The following UNC13C variants were observed in gnomAD, a reference collection of about 807,000 sequenced individuals.
UNC13C encodes unc-13 homolog C, also known as protein unc-13 homolog C.
UNC13C carries 174 observed loss-of-function variants against 245.4 expected under a neutral mutation model. The observed-to-expected ratio is 0.71, with a 90% CI of 0.63 to 0.80. UNC13C has a LOEUF of 0.80. Among genes scored for constraint, UNC13C ranks in the 30% least tolerant of loss-of-function variants. The pLI, the probability that UNC13C is intolerant of heterozygous loss-of-function variation, is 0.00. For synonymous variants in UNC13C, 992 were observed against 895.1 expected (o/e 1.11, Z -1.93); for missense variants, 2,829 against 2,602.9 (o/e 1.09, Z -1.89).
At chr15:54,558,463 A>G (rs1335000715) in intron 29 of UNC13C, among the ~76,000 whole-genome samples, 1 of 152,024 alleles carries the variant, frequency 6.6e-6, no homozygotes, top group Admixed American at 6.6e-5. Flanking sequence ...TAAAAGGGAT[A>G]CTTCTTCAAA....
chr15:54,476,851 A>T (rs1057036143), intron 19 of UNC13C, among the ~76,000 whole-genome samples: 39 of 151,330 alleles, frequency 2.6e-4, no homozygotes, highest in Admixed American at 2.3e-3. Context: ...GAAGAAAGTC[A>T]TTGGTAGCTT....
rs570749014 is a variant in UNC13C, at chr15:54,590,671, A to G, written c.6106+22724A>G. On this transcript the variant is annotated intron_variant, in intron 30 of 32. Transcript: ENST00000260323. ...TCCACAAACTTTGCTGAATTCCTTT[A>G]CCAGTTGTATGCGCTTTCTGGAGGA... 1.2e-3 allele frequency among the ~76,000 whole-genome samples: 176 copies of G among 152,322 alleles called. 1 individual carries two copies. Among genetic ancestry groups the G allele is most frequent in the African/African-American group, 3.9e-3 (162 of 41,582 alleles).
intron 2 of UNC13C, among the ~76,000 whole-genome samples, chr15:54,088,244 A>C (rs1217474749): frequency 8.1e-6 from 1 of 122,874 alleles, no homozygotes; most frequent in Non-Finnish European, 1.6e-5. Context: ...TCATCCAATC[A>C]GCCAGTTCAT....
chr15:54,114,010 A>G (rs2030024580), intron 2 of UNC13C, among the ~76,000 whole-genome samples: 2 of 152,124 alleles, frequency 1.3e-5, no homozygotes. Context: ...TTGTGCATTT[A>G]CTCAGGGTCT....
chr15:54,532,163 T>C (rs1407881736), intron 25 of UNC13C, among the ~76,000 whole-genome samples: 4 of 152,116 alleles, frequency 2.6e-5, no homozygotes, highest in Non-Finnish European at 5.9e-5. Context: ...TTCCTGATCC[T>C]CTCCCTCTTC....
At chr15:54,584,746 A>T (rs1186053383) in intron 30 of UNC13C, among the ~76,000 whole-genome samples, 1 of 152,254 alleles carries the variant, frequency 6.6e-6, no homozygotes, top group South Asian at 2.1e-4. Context: ...CACACCTGTA[A>T]TATTTCATCT....
intron 2 of UNC13C, among the ~76,000 whole-genome samples, chr15:54,134,282 T>G (rs1475646753): frequency 5.3e-5 from 8 of 151,674 alleles, no homozygotes; most frequent in African/African-American, 1.2e-4. Flanking sequence ...GTTTTTTTTT[T>G]TGTGAGATTT....
chr15:54,573,232 G>A (rs1897832010), intron 30 of UNC13C, among the ~76,000 whole-genome samples: 2 of 150,498 alleles, frequency 1.3e-5, no homozygotes, highest in Non-Finnish European at 3.0e-5. Context: ...TCCTATTTTT[G>A]TACTCCTTTC....
At chr15:54,427,953 A>G (rs572173226) in intron 19 of UNC13C, among the ~76,000 whole-genome samples, 1 of 151,808 alleles carries the variant, frequency 6.6e-6, no homozygotes, top group South Asian at 2.1e-4. Flanking sequence ...CTACTTCTCC[A>G]TTGTCTTTTG....
chr15:54,087,935 TTG>T (rs1278122198), intron 2 of UNC13C, among the ~76,000 whole-genome samples: 1 of 152,166 alleles, frequency 6.6e-6, no homozygotes, highest in African/African-American at 2.4e-5. Context: ...ACTTTTGCTA[TTG>T]TTTAGAACAA....
At chr15:54,359,228 A>T (rs2140859998) in intron 17 of UNC13C, among the ~76,000 whole-genome samples, 1 of 151,912 alleles carries the variant, frequency 6.6e-6, no homozygotes, top group Admixed American at 6.6e-5. Context: ...TTGTTTTGCT[A>T]GTGTTGAGAG....
intron 17 of UNC13C, among the ~76,000 whole-genome samples, chr15:54,368,110 C>G (rs2039406349): frequency 6.6e-6 from 1 of 152,028 alleles, no homozygotes; most frequent in Non-Finnish European, 1.5e-5. Context: ...TGTGCTTCAC[C>G]TTAGTCTCAG....
chr15:54,523,956 T>C lies in UNC13C; in HGVS notation c.5458-1593T>C, dbSNP rs537218960. On this transcript the variant is annotated intron_variant, in intron 24 of 32. Coordinates refer to ENST00000260323, the MANE Select transcript of UNC13C (RefSeq NM_001080534.3). ...TTATTAGCACAATAACAAGAAAATA[T>C]CATTTAAAAAAATTCAGCCTGCATG... Among the ~76,000 whole-genome samples the C allele has an allele frequency of 3.9e-5, 6 of 152,258 alleles. No homozygotes were observed. In the South Asian group the frequency reaches 8.3e-4, roughly 21 times the overall value.
chr15:54,342,065 T>C (rs913935505), intron 17 of UNC13C, among the ~76,000 whole-genome samples: 24 of 152,148 alleles, frequency 1.6e-4, no homozygotes, highest in Non-Finnish European at 7.4e-5. Flanking sequence ...ACTATTCTAA[T>C]ATTGGTGTGT....
rs144599466 is a variant in UNC13C, at chr15:54,213,930, A to G, written c.3072-21100A>G. ...CAAAGGCATTGAGATCACATATCCA[A>G]GGAGGCAAAGGCACAGACGGAGCTA... On this transcript the variant is annotated intron_variant, in intron 4 of 32. Coordinates refer to ENST00000260323, the MANE Select transcript of UNC13C (RefSeq NM_001080534.3). 4.1e-3 allele frequency among the ~76,000 whole-genome samples: 629 copies of G among 152,112 alleles called. 7 individuals are homozygous for G. The highest frequency in any genetic ancestry group is 0.015 in the African/African-American group (606 of 41,532).
At chr15:54,614,713 G>C (rs1030029629) in intron 30 of UNC13C, among the ~76,000 whole-genome samples, 1 of 151,950 alleles carries the variant, frequency 6.6e-6, no homozygotes, top group African/African-American at 2.4e-5. Flanking sequence ...ATACAGGGCT[G>C]CCAGAATCTT....
chr15:54,130,412 C>T (rs552326957), intron 2 of UNC13C, among the ~76,000 whole-genome samples: 203 of 151,058 alleles, frequency 1.3e-3, no homozygotes, highest in African/African-American at 4.7e-3. Flanking sequence ...CCTGCCTCAG[C>T]CTCCCGAGTA....
At chr15:53,875,020 G>GA in the UNC13C span, among the ~76,000 whole-genome samples, 3 of 152,234 alleles carry the variant, frequency 2.0e-5, no homozygotes, top group Non-Finnish European at 4.4e-5. Flanking sequence ...ATGAACCCGG[G>GA]AGGTGGAGGT....
intron 29 of UNC13C, among the ~76,000 whole-genome samples, chr15:54,557,632 C>T (rs1387254491): frequency 6.6e-6 from 1 of 151,658 alleles, no homozygotes; most frequent in Non-Finnish European, 1.5e-5. Flanking sequence ...AGAAAGATGA[C>T]CTTAGACCAA....
Sources: allele counts gnomAD v4.1 joint callset (sites outside exome capture counted in the v4.1 genomes callset), GRCh38; gene constraint gnomAD v4.1.1; transcripts MANE v1.5; gene names NCBI Gene and HGNC (gene_info 2026-07-23, HGNC 2026-07-21).